Variants in BMP5 observed in about 807,000 individuals in gnomAD.
BMP5 encodes bone morphogenetic protein 5.
BMP5 carries 23 observed loss-of-function variants against 46.6 expected under a neutral mutation model. The ratio of observed to expected loss-of-function variants is 0.49; its 90% CI spans 0.35 to 0.70. The LOEUF is 0.70. Among genes scored for constraint, BMP5 ranks in the 30% least tolerant of loss-of-function variants. The pLI is 0.00. For synonymous variants in BMP5, 204 were observed against 191.9 expected, an observed-to-expected ratio of 1.06 and a Z score of -0.52; for missense variants, 545 against 565.6, an observed-to-expected ratio of 0.96 and a Z score of 0.37.
chr6:55,844,718 T>C (rs956829477), intron 1 of BMP5, among the ~76,000 whole-genome samples: 3 of 151,962 alleles, frequency 2.0e-5, no homozygotes, highest in South Asian at 2.1e-4. Flanking sequence ...CTTTAAAATA[T>C]GGTAAATACA....
At chr6:55,780,093 A>C (rs2127523645) in intron 3 of BMP5, among the ~76,000 whole-genome samples, 1 of 152,008 alleles carries the variant, frequency 6.6e-6, no homozygotes, top group South Asian at 2.1e-4. Context: ...TCTAAAAAAA[A>C]AGCCACTTTG....
chr6:55,830,892 C>T (rs1441422905), intron 1 of BMP5, among the ~76,000 whole-genome samples: 1 of 152,034 alleles, frequency 6.6e-6, no homozygotes, highest in Non-Finnish European at 1.5e-5. Flanking sequence ...GTTTACAAAG[C>T]AGGTAGATTC....
intron 1 of BMP5, among the ~76,000 whole-genome samples, chr6:55,830,255 A>G (rs1385635059): frequency 6.6e-6 from 1 of 152,108 alleles, no homozygotes; most frequent in Non-Finnish European, 1.5e-5. Context: ...GCCAGAATCA[A>G]TAAAGAAATC....
At chr6:55,762,618 T>A (rs111475442) in intron 4 of BMP5, among the ~76,000 whole-genome samples, 2,233 of 152,192 alleles carry the variant, frequency 0.015, 56 homozygotes, top group African/African-American at 0.05. Context: ...AGGCAATGGA[T>A]AAATAACACT....
chr6:55,864,121 T>C (rs1356644511), intron 1 of BMP5, among the ~76,000 whole-genome samples: 1 of 152,154 alleles, frequency 6.6e-6, no homozygotes, highest in Non-Finnish European at 1.5e-5. Context: ...TAATGTAAAG[T>C]GTAAAGAGAA....
rs1477430477 is a variant in BMP5 at position 55,794,559 on chromosome 6, T to C, written c.684-132A>G. Reference sequence around the variant, plus strand: ...TTAGTTAAAGAACAAGAGGAACAAGTGACTCAAGTGATGAGTAATAAGATA... The same window carrying C: ...TTAGTTAAAGAACAAGAGGAACAAGCGACTCAAGTGATGAGTAATAAGATA... On this transcript the variant is annotated intron_variant, in intron 2 of 6. Transcript: ENST00000370830. The C allele has an allele frequency of 7.1e-6, 6 of 847,638 alleles. No homozygotes were observed. The East Asian group carries it at 1.3e-4, about 18-fold the overall frequency. 52.5% of individuals were successfully genotyped at this position (847,638 alleles called of 1,614,324 possible).
At chr6:55,811,220 G>A (rs1776127359) in intron 2 of BMP5, among the ~76,000 whole-genome samples, 1 of 152,166 alleles carries the variant, frequency 6.6e-6, no homozygotes, top group African/African-American at 2.4e-5. Flanking sequence ...GGGAGATGAT[G>A]TAAATATGAA....
intron 6 of BMP5, among the ~76,000 whole-genome samples, chr6:55,757,516 G>T (rs572207515): frequency 6.6e-6 from 1 of 151,884 alleles, no homozygotes; most frequent in African/African-American, 2.4e-5. Context: ...AATTCTTTTA[G>T]TGGTAGAAGT....
chr6:55,838,416 T>C (rs1206150499), intron 1 of BMP5, among the ~76,000 whole-genome samples: 2 of 152,236 alleles, frequency 1.3e-5, no homozygotes, highest in Admixed American at 6.5e-5. Flanking sequence ...CCTTTTCATA[T>C]ACCTGTTTGC....
At chr6:55,848,371 T>C (rs1777147529) in intron 1 of BMP5, among the ~76,000 whole-genome samples, 1 of 152,028 alleles carries the variant, frequency 6.6e-6, no homozygotes, top group Non-Finnish European at 1.5e-5. Context: ...ATCTTTTCCA[T>C]TTAGTAATAA....
intron 3 of BMP5, among the ~76,000 whole-genome samples, chr6:55,787,750 C>A (rs564018860): frequency 1.3e-5 from 2 of 151,722 alleles, no homozygotes; most frequent in African/African-American, 4.8e-5. Context: ...TACCCACTTT[C>A]AAGATAATTG....
At chr6:55,836,631 TACACACACACAC>T (rs61358651) in intron 1 of BMP5, among the ~76,000 whole-genome samples, 3 of 139,518 alleles carry the variant, frequency 2.2e-5, no homozygotes, top group Admixed American at 7.1e-5. Context: ...CATACATACA[TACACACACACAC>T]ACACACACAC....
At chr6:55,793,414 C>T (rs1474712926) in intron 3 of BMP5, among the ~76,000 whole-genome samples, 5 of 152,170 alleles carry the variant, frequency 3.3e-5, no homozygotes, top group Non-Finnish European at 7.3e-5. Context: ...TTATTACTAC[C>T]TCGTGCATCA....
chr6:55,801,931 C>T lies in BMP5; in HGVS notation c.684-7504G>A, dbSNP rs144286500. 4.2e-3 allele frequency among the ~76,000 whole-genome samples: 645 copies of T among 152,288 alleles called. 2 individuals carry two copies. The highest frequency in any genetic ancestry group is 5.4e-3 in the Non-Finnish European group (365 of 68,026). ...CCCATGCTTCCCATCAAAAGGATGG[C>T]CTTTTGAAGACTCAGTTATGCCACA... On this transcript the variant is annotated intron_variant, in intron 2 of 6. Transcript: ENST00000370830.
intron 3 of BMP5, among the ~76,000 whole-genome samples, chr6:55,781,725 A>G (rs1775322703): frequency 1.3e-5 from 2 of 151,378 alleles, no homozygotes; most frequent in South Asian, 4.2e-4. Context: ...CTCCTCCTTC[A>G]GACTCCTGAG....
At chr6:55,809,581 A>T (rs1318745902) in intron 2 of BMP5, among the ~76,000 whole-genome samples, 1 of 152,004 alleles carries the variant, frequency 6.6e-6, no homozygotes. Context: ...CAATTACATG[A>T]ATATATGTAT....
intron 2 of BMP5, among the ~76,000 whole-genome samples, chr6:55,811,011 A>G (rs1009510929): frequency 1.3e-5 from 2 of 152,162 alleles, no homozygotes; most frequent in Admixed American, 1.3e-4. Context: ...ATAGAGCATG[A>G]TCCCCACACA....
At position 55,774,645 on chromosome 6, in the gene BMP5, G is replaced by A. The variant is rs189373309; in HGVS notation, c.833-402C>T. Among the ~76,000 whole-genome samples the A allele has an allele frequency of 2.2e-3, 329 of 152,040 alleles. 3 individuals are homozygous for A. The highest frequency in any genetic ancestry group is 2.2e-3 in the Non-Finnish European group (148 of 67,934). Reference sequence around the variant, plus strand: ...AATTTTCCTTTAAGTTATAAAAGCCGAATACTTGGCAGGGTGTTTCTACTT... The same window carrying A: ...AATTTTCCTTTAAGTTATAAAAGCCAAATACTTGGCAGGGTGTTTCTACTT... On this transcript the variant is annotated intron_variant, in intron 3 of 6. Coordinates refer to ENST00000370830, the MANE Select transcript of BMP5 (RefSeq NM_021073.4).
intron 1 of BMP5, among the ~76,000 whole-genome samples, chr6:55,821,531 T>C (rs960267722): frequency 1.3e-5 from 2 of 152,150 alleles, no homozygotes; most frequent in Admixed American, 6.6e-5. Context: ...TGATGCTCTT[T>C]GGCTCTCTGA....
Sources: allele counts gnomAD v4.1 joint callset (sites outside exome capture counted in the v4.1 genomes callset), GRCh38; gene constraint gnomAD v4.1.1; transcripts MANE v1.5; gene names NCBI Gene and HGNC (gene_info 2026-07-23, HGNC 2026-07-21).